The following ZDHHC2 variants were observed in gnomAD, a reference collection of about 807,000 sequenced individuals.
ZDHHC2 encodes the protein zDHHC palmitoyltransferase 2.
A neutral mutation model predicts 55.6 loss-of-function variants in ZDHHC2; 51 were observed. That is an observed-to-expected ratio of 0.92 (90% confidence interval 0.73 to 1.16). The LOEUF is 1.16. Among genes scored for constraint, ZDHHC2 ranks in the 50% most tolerant of loss-of-function variants. The pLI, the probability that ZDHHC2 is intolerant of heterozygous loss-of-function variation, is 0.00. For synonymous variants in ZDHHC2, 199 were observed against 152.9 expected (o/e 1.30, Z -2.22); for missense variants, 491 against 442.4 (o/e 1.11, Z -0.99).
intron 12 of ZDHHC2, 124 bp downstream of exon 12, chr8:17,217,370 A>C (rs557003429): frequency 1.4e-6 from 1 of 709,226 alleles, no homozygotes; most frequent in East Asian, 3.0e-5. Context: ...CTTTTACCTG[A>C]CTTGTGAGAT....
intron 1 of ZDHHC2, among the ~76,000 whole-genome samples, chr8:17,179,404 ATTT>A (rs1439649070): frequency 6.6e-6 from 1 of 151,694 alleles, no homozygotes; most frequent in Non-Finnish European, 1.5e-5. Flanking sequence ...TGTTTTCTTT[ATTT>A]CTTCTTCTTT....
At chr8:17,186,232 G>A (rs1385535409) in intron 2 of ZDHHC2, 99 bp from the exon 3 acceptor site, 2 of 723,956 alleles carry the variant, frequency 2.8e-6, no homozygotes, top group Non-Finnish European at 4.5e-6. Context: ...ATTATAATTG[G>A]TAATTTGGTT....
intron 1 of ZDHHC2, among the ~76,000 whole-genome samples, chr8:17,184,355 G>A (rs1049925104): frequency 1.3e-5 from 2 of 152,226 alleles, no homozygotes; most frequent in Non-Finnish European, 2.9e-5. Flanking sequence ...AGTGTGTGCT[G>A]TGGACACATT....
At chr8:17,178,085 G>A (rs550946930) in intron 1 of ZDHHC2, among the ~76,000 whole-genome samples, 26 of 152,210 alleles carry the variant, frequency 1.7e-4, no homozygotes, top group African/African-American at 6.0e-4. Context: ...TGAAGGTGTA[G>A]TAGCACACAA....
chr8:17,199,256 CTT>C (rs1189072079), intron 6 of ZDHHC2, among the ~76,000 whole-genome samples: 1 of 152,174 alleles, frequency 6.6e-6, no homozygotes, highest in Admixed American at 6.5e-5. Context: ...CAGTATACCT[CTT>C]TCTTTTCTCC....
chr8:17,200,318 C>G (rs750821410), intron 6 of ZDHHC2, among the ~76,000 whole-genome samples: 20 of 152,242 alleles, frequency 1.3e-4, no homozygotes, highest in Admixed American at 5.2e-4. Context: ...AGGGGCAACC[C>G]TCAACCAGTG....
rs572706107 is a variant in ZDHHC2 at position 17,216,213 on chromosome 8, T to A, written c.1063+864T>A. Among the ~76,000 whole-genome samples, 38 of 152,320 alleles carry A rather than the reference T, an allele frequency of 2.5e-4. 1 individual carries two copies. The East Asian group carries it at 7.1e-3, about 29-fold the overall frequency. Reference sequence around the variant, plus strand: ...TTTTCAAATAAACCAGTCAACGTTTTAAAGTGTAATGAACCAAAGTCAGGT... The same window carrying A: ...TTTTCAAATAAACCAGTCAACGTTTAAAAGTGTAATGAACCAAAGTCAGGT... On this transcript the variant is annotated intron_variant, in intron 11 of 12. Transcript: ENST00000262096.
chr8:17,180,222 T>G (rs1319465633), intron 1 of ZDHHC2, among the ~76,000 whole-genome samples: 1 of 152,222 alleles, frequency 6.6e-6, no homozygotes, highest in Non-Finnish European at 1.5e-5. Context: ...CCAAAATAGA[T>G]TCTTTCACAT....
At chr8:17,189,052 C>G (rs547066175) in intron 3 of ZDHHC2, among the ~76,000 whole-genome samples, 194 of 150,706 alleles carry the variant, frequency 1.3e-3, no homozygotes, top group African/African-American at 4.4e-3. Context: ...CCACCATCCT[C>G]TCTCATTTAT....
chr8:17,219,636 T>G (rs1448929438), intron 12 of ZDHHC2, among the ~76,000 whole-genome samples: 2 of 152,020 alleles, frequency 1.3e-5, no homozygotes, highest in Non-Finnish European at 2.9e-5. Flanking sequence ...TGTGGTGGCA[T>G]GTGCCTGTGG....
At chr8:17,197,174 G>A (rs1050111688) in intron 4 of ZDHHC2, among the ~76,000 whole-genome samples, 1 of 152,120 alleles carries the variant, frequency 6.6e-6, no homozygotes, top group African/African-American at 2.4e-5. Context: ...ACAGTAAAAG[G>A]TGCAAAAACC....
chr8:17,186,352 A>C lies in ZDHHC2; in HGVS notation c.179A>C (p.His60Pro). 1 of 1,597,382 alleles carries C rather than the reference A, an allele frequency of 6.3e-7. No homozygotes were observed. The highest frequency in any genetic ancestry group is 8.5e-7 in the Non-Finnish European group (1 of 1,173,766). Reference protein sequence around the residue: ...GEQVVCLMAYHLLFAMFVWSY... With the variant: ...GEQVVCLMAYPLLFAMFVWSY... ...TTAGTTGTGTGCCTGATGGCCTATC[A>C]TCTACTTTTTGCAATGTTTGTCTGG... is the stretch of plus-strand genomic sequence containing the variant. The change falls in exon 3 of 13, where the codon CAT (histidine) becomes CCT (proline). Residue 60 changes from histidine (H) to proline (P), a missense_variant. Coordinates refer to ENST00000262096, the MANE Select transcript of ZDHHC2 (RefSeq NM_016353.5).
chr8:17,173,674 C>A (rs961883881), intron 1 of ZDHHC2, among the ~76,000 whole-genome samples: 2 of 112,646 alleles, frequency 1.8e-5, no homozygotes, highest in African/African-American at 2.5e-5. Flanking sequence ...GGAAAAAGAC[C>A]CTGTCTTAAA....
intron 1 of ZDHHC2, among the ~76,000 whole-genome samples, chr8:17,166,866 C>T (rs1410082710): frequency 1.3e-5 from 2 of 152,112 alleles, no homozygotes; most frequent in Admixed American, 6.6e-5. Flanking sequence ...TTATTACTGA[C>T]TCTGATGACT....
At position 17,222,293 on chromosome 8, in the gene ZDHHC2, A is replaced by C. The variant is rs1203613121; in HGVS notation, c.*2072A>C. On this transcript the variant is annotated 3_prime_UTR_variant, in exon 13 of 13. Coordinates refer to ENST00000262096, the MANE Select transcript of ZDHHC2 (RefSeq NM_016353.5). ...TTTTGTTTTGAATTATAGGAGTTAT[A>C]ATCTTTGGAGATGATTGCATATCTC... 5 of 151,772 alleles carry C rather than the reference A, an allele frequency of 3.3e-5. No homozygotes were observed. Among genetic ancestry groups the C allele is most frequent in the Non-Finnish European group, 7.4e-5 (5 of 67,762 alleles). The allele number at this position is 151,772 out of a possible 1,614,324, so 9.4% of individuals were successfully genotyped here.
chr8:17,218,405 A>G (rs969665731), intron 12 of ZDHHC2, among the ~76,000 whole-genome samples: 2 of 152,202 alleles, frequency 1.3e-5, no homozygotes, highest in African/African-American at 4.8e-5. Context: ...ATTTTTTTCA[A>G]TATTTTGAAA....
At chr8:17,186,735 T>C (rs1390167978) in intron 3 of ZDHHC2, among the ~76,000 whole-genome samples, 1 of 152,152 alleles carries the variant, frequency 6.6e-6, no homozygotes, top group East Asian at 1.9e-4. Flanking sequence ...AAGGTAGACA[T>C]AATTCTATGA....
chr8:17,159,785 A>G (rs1444337169), intron 1 of ZDHHC2, among the ~76,000 whole-genome samples: 2 of 152,132 alleles, frequency 1.3e-5, no homozygotes, highest in Non-Finnish European at 2.9e-5. Flanking sequence ...ACTTCTAATC[A>G]TTTGGACCAC....
chr8:17,168,654 TC>T (rs1804717282), intron 1 of ZDHHC2, among the ~76,000 whole-genome samples: 1 of 152,052 alleles, frequency 6.6e-6, no homozygotes, highest in South Asian at 2.1e-4. Context: ...CCCTCATTCT[TC>T]CCTCCCCCAC....
Sources: allele counts gnomAD v4.1 joint callset (sites outside exome capture counted in the v4.1 genomes callset), GRCh38; gene constraint gnomAD v4.1.1; transcripts MANE v1.5; gene names NCBI Gene and HGNC (gene_info 2026-07-23, HGNC 2026-07-21).